NEBL: variants seen among roughly 807,000 people sequenced by gnomAD.
NEBL encodes the protein LIM and SH3 protein 2.
NEBL carries 122 observed loss-of-function variants against 140.2 expected under a neutral mutation model. The ratio of observed to expected loss-of-function variants is 0.87; its 90% CI spans 0.75 to 1.01. The LOEUF (loss-of-function observed/expected upper bound fraction) is 1.01, where lower values mean the gene tolerates loss of function less well. Ranked by LOEUF, NEBL falls within the 50% of genes least tolerant of loss-of-function variation. The probability of loss-of-function intolerance (pLI) is 0.00; values close to 1 mark genes in which losing one functional copy is unlikely to be tolerated. For missense variants in NEBL, 1,365 were observed against 1,231.3 expected, an observed-to-expected ratio of 1.11 and a Z score of -1.62; for synonymous variants, 436 against 398.9, an observed-to-expected ratio of 1.09 and a Z score of -1.11.
chr10:21,101,212 T>C (rs1217301014), intron 2 of NEBL, among the ~76,000 whole-genome samples: 10 of 152,196 alleles, frequency 6.6e-5, no homozygotes, highest in African/African-American at 2.4e-4. Flanking sequence ...TCATTTTCCA[T>C]GAATTCTAAT....
intron 13 of NEBL, among the ~76,000 whole-genome samples, chr10:20,836,102 G>C (rs1840863394): frequency 1.3e-5 from 2 of 151,460 alleles, no homozygotes; most frequent in Admixed American, 6.6e-5. Flanking sequence ...CTGAAGGTTT[G>C]TGGCAACTCT....
At chr10:20,912,167 A>G (rs533242291) in intron 4 of NEBL, among the ~76,000 whole-genome samples, 6 of 152,368 alleles carry the variant, frequency 3.9e-5, no homozygotes, top group African/African-American at 1.4e-4. Context: ...AAACTAGATA[A>G]CCAACACAAC....
At chr10:21,236,080 C>A (rs1008454858) in intron 3 of NEBL, among the ~76,000 whole-genome samples, 3 of 152,178 alleles carry the variant, frequency 2.0e-5, no homozygotes, top group Non-Finnish European at 2.9e-5. Flanking sequence ...AGAAGTCGTT[C>A]CCCTCTGGAA....
intron 4 of NEBL, among the ~76,000 whole-genome samples, chr10:20,940,132 A>T (rs1384216171): frequency 6.6e-6 from 1 of 152,172 alleles, no homozygotes; most frequent in Non-Finnish European, 1.5e-5. Flanking sequence ...CAGAATATAC[A>T]TTCTTCTCAG....
At chr10:20,861,367 C>G (rs1843685717) in intron 7 of NEBL, among the ~76,000 whole-genome samples, 1 of 152,104 alleles carries the variant, frequency 6.6e-6, no homozygotes, top group Non-Finnish European at 1.5e-5. Context: ...TTAGCAGAGA[C>G]AGGGTTTCAC....
At chr10:20,798,018 C>A (rs1166160116) in intron 26 of NEBL, among the ~76,000 whole-genome samples, 2 of 151,596 alleles carry the variant, frequency 1.3e-5, no homozygotes, top group African/African-American at 2.4e-5. Context: ...CAGGAGGATC[C>A]TTTGACCTCA....
At chr10:21,247,483 A>C (rs1327074321) in intron 3 of NEBL, among the ~76,000 whole-genome samples, 2 of 152,192 alleles carry the variant, frequency 1.3e-5, no homozygotes, top group East Asian at 3.8e-4. Context: ...TCACAGGAGT[A>C]GGGCAGCTCC....
chr10:20,946,650 C>A (rs937456406), intron 4 of NEBL, among the ~76,000 whole-genome samples: 1 of 152,112 alleles, frequency 6.6e-6, no homozygotes, highest in African/African-American at 2.4e-5. Flanking sequence ...TTGGTAGAGA[C>A]GAGGTTTCAC....
chr10:21,148,048 TAAG>T (rs1378925275), intron 2 of NEBL, among the ~76,000 whole-genome samples: 1 of 152,210 alleles, frequency 6.6e-6, no homozygotes, highest in African/African-American at 2.4e-5. Context: ...AAATGAGTGC[TAAG>T]AAGAACTATA....
chr10:21,029,282 C>T, intron 2 of NEBL: 2 of 1,604,850 alleles, frequency 1.2e-6, no homozygotes, highest in Non-Finnish European at 8.5e-7. Flanking sequence ...AAATCGCCAC[C>T]CTACACTTCT....
intron 3 of NEBL, among the ~76,000 whole-genome samples, chr10:20,972,445 A>C (rs1359441524): frequency 6.6e-6 from 1 of 152,170 alleles, no homozygotes; most frequent in Non-Finnish European, 1.5e-5. Flanking sequence ...AAGAAATACA[A>C]ATTTAAAAAT....
At chr10:20,894,116 A>G (rs1308439480) in intron 2 of NEBL, among the ~76,000 whole-genome samples, 1 of 152,200 alleles carries the variant, frequency 6.6e-6, no homozygotes, top group Non-Finnish European at 1.5e-5. Flanking sequence ...AAGAAGTCCA[A>G]AGAGTAACAA....
intron 3 of NEBL, among the ~76,000 whole-genome samples, chr10:21,201,944 A>G (rs892307552): frequency 5.3e-5 from 8 of 152,172 alleles, no homozygotes; most frequent in Non-Finnish European, 1.2e-4. Context: ...AGAATATTCT[A>G]TGGAGGAGCT....
intron 21 of NEBL, 130 bp downstream of exon 21, chr10:20,817,470 A>G (rs1838837996): frequency 1.2e-6 from 1 of 839,412 alleles, no homozygotes; most frequent in Non-Finnish European, 2.0e-6. Context: ...AATCTTTCAA[A>G]TAAGTTGTTA....
chr10:20,992,467 A>G (rs1837494825), intron 3 of NEBL, among the ~76,000 whole-genome samples: 1 of 152,148 alleles, frequency 6.6e-6, no homozygotes, highest in Non-Finnish European at 1.5e-5. Context: ...CTTTTGAGTG[A>G]CGACAGAGGC....
chr10:20,961,905 A>G lies in NEBL; in HGVS notation c.250-126T>C, dbSNP rs535088526. 3 of 711,872 alleles carry G rather than the reference A, an allele frequency of 4.2e-6. No individual in the cohort carries two copies. In the African/African-American group the frequency reaches 5.3e-5, roughly 13 times the overall value. 44.1% of individuals were successfully genotyped at this position (711,872 alleles called of 1,614,324 possible). ...AAACACAGATCTCAGCCGGAGGTGC[A>G]GTTAAGAACCAGAAGGAAACAGCCA... On this transcript the variant is annotated intron_variant, in intron 3 of 6. Coordinates refer to the NEBL transcript ENST00000417816.
In NEBL at chr10:21,071,368, A is replaced by C. The variant is rs142614670; in HGVS notation, c.165-51167T>G. 4.2e-3 allele frequency among the ~76,000 whole-genome samples: 632 copies of C among 152,182 alleles called. 5 individuals carry two copies. The highest frequency in any genetic ancestry group is 0.014 in the African/African-American group (590 of 41,544). On this transcript the variant is annotated intron_variant, in intron 2 of 6. Coordinates refer to the NEBL transcript ENST00000417816. ...ATTTTTTTCTAAAATTTTAATTTAC[A>C]CACACACTCCTTTGTCCTCGAGTGA...
At chr10:20,945,371 T>G (rs1291637139) in intron 4 of NEBL, among the ~76,000 whole-genome samples, 1 of 152,206 alleles carries the variant, frequency 6.6e-6, no homozygotes, top group Non-Finnish European at 1.5e-5. Flanking sequence ...TTGACGGCTG[T>G]GCTTAGATCT....
chr10:21,119,018 A>G (rs565566615), intron 2 of NEBL, among the ~76,000 whole-genome samples: 6 of 152,314 alleles, frequency 3.9e-5, no homozygotes, highest in African/African-American at 1.4e-4. Context: ...GAAAGCTAAT[A>G]TCATGGAAAC....
Sources: gnomAD v4.1 joint callset for allele counts (sites outside exome capture counted in the v4.1 genomes callset) on GRCh38, gnomAD v4.1.1 for gene constraint, MANE v1.5 for transcripts, NCBI Gene and HGNC (gene_info 2026-07-23, HGNC 2026-07-21) for gene names.